LRCH1: variants seen among roughly 807,000 people sequenced by gnomAD.
LRCH1 encodes leucine-rich repeat and calponin homology domain-containing protein 1.
A neutral mutation model predicts 94.9 loss-of-function variants in LRCH1; 23 were observed. The ratio of observed to expected loss-of-function variants is 0.24; its 90% CI spans 0.17 to 0.34. The LOEUF is 0.34. LRCH1 is among the 10% of genes least tolerant of loss of function. The pLI, the probability that LRCH1 is intolerant of heterozygous loss-of-function variation, is 1.00. For synonymous variants in LRCH1, 364 were observed against 354.9 expected, an observed-to-expected ratio of 1.03 and a Z score of -0.29; for missense variants, 790 against 945.9, an observed-to-expected ratio of 0.84 and a Z score of 2.16.
At chr13:46,554,854 G>A (rs1271673944) in intron 1 of LRCH1, among the ~76,000 whole-genome samples, 1 of 152,174 alleles carries the variant, frequency 6.6e-6, no homozygotes, top group East Asian at 1.9e-4. Context: ...GGCTGTCATC[G>A]CCTCATGGCC....
intron 15 of LRCH1, among the ~76,000 whole-genome samples, chr13:46,714,924 T>G (rs1370659953): frequency 6.6e-6 from 1 of 152,188 alleles, no homozygotes; most frequent in Non-Finnish European, 1.5e-5. Context: ...TGAGCAATAT[T>G]GAAAACAGTA....
At chr13:46,634,414 T>C (rs532706497) in intron 1 of LRCH1, among the ~76,000 whole-genome samples, 28 of 152,346 alleles carry the variant, frequency 1.8e-4, no homozygotes, top group African/African-American at 6.7e-4. Flanking sequence ...CCTCTAGAGC[T>C]GGCTCCCTGG....
At chr13:46,650,149 T>C in intron 1 of LRCH1, 52 bp from the exon 2 acceptor site, 1 of 1,293,298 alleles carries the variant, frequency 7.7e-7, no homozygotes, top group Non-Finnish European at 1.1e-6. Context: ...AATAAAAGTG[T>C]ATTGATTTTG....
In LRCH1 at chr13:46,709,652, G is replaced by GA. The variant is rs541922595; in HGVS notation, c.1528-2129dup. 3.5e-4 allele frequency among the ~76,000 whole-genome samples: 51 copies of GA among 146,986 alleles called. No individual in the cohort carries two copies. The South Asian group carries it at 5.0e-3, about 14-fold the overall frequency. ...GTCCCTAGAAGACAGAAAACCTCAA[G>GA]AAAAAAAAAAGATACTTTTATTCTA... On this transcript the variant is annotated intron_variant, in intron 13 of 19. Transcript: ENST00000389797.
intron 1 of LRCH1, among the ~76,000 whole-genome samples, chr13:46,644,014 T>G (rs2051191003): frequency 1.3e-5 from 2 of 152,360 alleles, no homozygotes; most frequent in South Asian, 4.1e-4. Context: ...AAGATTTCAT[T>G]GCTGTATCTT....
At chr13:46,648,441 A>G (rs531395476) in intron 1 of LRCH1, among the ~76,000 whole-genome samples, 186 of 152,298 alleles carry the variant, frequency 1.2e-3, no homozygotes, top group African/African-American at 4.0e-3. Flanking sequence ...AATTCATGCC[A>G]TTGACCTTCC....
At chr13:46,626,406 A>G (rs1472243849) in intron 1 of LRCH1, among the ~76,000 whole-genome samples, 1 of 152,190 alleles carries the variant, frequency 6.6e-6, no homozygotes, top group Non-Finnish European at 1.5e-5. Flanking sequence ...ACATTCCACC[A>G]TTGTGATTTG....
chr13:46,726,964 C>G (rs1872852204), intron 17 of LRCH1, among the ~76,000 whole-genome samples: 1 of 150,926 alleles, frequency 6.6e-6, no homozygotes, highest in Non-Finnish European at 1.5e-5. Context: ...CACTGCAAAT[C>G]CTTCATCATT....
rs143164413 is a variant in LRCH1, at chr13:46,638,923, G to C, written c.308-11278G>C. Among the ~76,000 whole-genome samples the C allele has an allele frequency of 2.0e-3, 300 of 152,200 alleles. 1 individual carries two copies. Among genetic ancestry groups the C allele is most frequent in the African/African-American group, 7.1e-3 (294 of 41,526 alleles). On this transcript the variant is annotated intron_variant, in intron 1 of 19. Transcript: ENST00000389797. Reference sequence around the variant, plus strand: ...CCTTATGTTTTTATTTGTTATTTGTGAAGTATATAATAAAAGAAAATCTAA... The same window carrying C: ...CCTTATGTTTTTATTTGTTATTTGTCAAGTATATAATAAAAGAAAATCTAA...
At chr13:46,655,311 C>T (rs2051356924) in intron 2 of LRCH1, among the ~76,000 whole-genome samples, 1 of 152,226 alleles carries the variant, frequency 6.6e-6, no homozygotes, top group South Asian at 2.1e-4. Context: ...AAAATCCTTA[C>T]TGTGAAGTGC....
intron 16 of LRCH1, among the ~76,000 whole-genome samples, chr13:46,721,977 G>A (rs1872601394): frequency 6.6e-6 from 1 of 152,152 alleles, no homozygotes; most frequent in Non-Finnish European, 1.5e-5. Flanking sequence ...GTAGTTAGGC[G>A]AGCACAGGAC....
At chr13:46,698,628 A>G (rs1313826846) in intron 9 of LRCH1, among the ~76,000 whole-genome samples, 1 of 152,180 alleles carries the variant, frequency 6.6e-6, no homozygotes, top group Non-Finnish European at 1.5e-5. Flanking sequence ...TGCTCTCACA[A>G]ACACTAGGAT....
At chr13:46,648,012 A>G (rs1007554576) in intron 1 of LRCH1, among the ~76,000 whole-genome samples, 1 of 152,062 alleles carries the variant, frequency 6.6e-6, no homozygotes, top group Non-Finnish European at 1.5e-5. Context: ...TTTATTGTAC[A>G]CTTTATTTCT....
intron 6 of LRCH1, 40 bp from the exon 7 acceptor site, chr13:46,689,093 C>G: frequency 1.3e-6 from 2 of 1,482,744 alleles, no homozygotes; most frequent in East Asian, 2.3e-5. Flanking sequence ...TGATTTTAAT[C>G]TTTTTTAAAT....
At chr13:46,661,861 C>T (rs1479364063) in intron 2 of LRCH1, among the ~76,000 whole-genome samples, 1 of 152,078 alleles carries the variant, frequency 6.6e-6, no homozygotes, top group African/African-American at 2.4e-5. Flanking sequence ...ACTGTGCTCA[C>T]CTAAGTCAGT....
chr13:46,699,369 A>G lies in LRCH1; in HGVS notation c.1279A>G (p.Ile427Val). Residue 427 changes from isoleucine to valine, a missense_variant, in exon 10 of 20, where the codon ATA (isoleucine) becomes GTA (valine). By Grantham distance (29) the Ile-to-Val change is conservative. Around this residue, in one of 3 missense-constraint regions of LRCH1, gnomAD observed 460 missense variants for 508.9 expected, o/e 0.90. Coordinates refer to ENST00000389797, the MANE Select transcript of LRCH1 (RefSeq NM_001164211.2). ...AGAAGACTGTGAAGAGCTGTTACGGATAGAAGAGGATGTGCACTGGCAAAC... is the reference window on the plus strand; with the variant it reads ...AGAAGACTGTGAAGAGCTGTTACGGGTAGAAGAGGATGTGCACTGGCAAAC... ...RAEDCEELLR[I>V]EEDVHWQTEG... 1 of 1,614,118 alleles carries G rather than the reference A, an allele frequency of 6.2e-7. No homozygotes were observed. Among genetic ancestry groups the G allele is most frequent in the Non-Finnish European group, 8.5e-7 (1 of 1,179,970 alleles).
chr13:46,641,815 C>G (rs891624422), intron 1 of LRCH1, among the ~76,000 whole-genome samples: 6 of 152,202 alleles, frequency 3.9e-5, no homozygotes, highest in Non-Finnish European at 7.3e-5. Flanking sequence ...ATTCCATTGA[C>G]TGTTTTTCTA....
At chr13:46,681,056 C>T (rs143367269) in intron 3 of LRCH1, among the ~76,000 whole-genome samples, 1 of 152,308 alleles carries the variant, frequency 6.6e-6, no homozygotes, top group African/African-American at 2.4e-5. Flanking sequence ...CTCCATTTCT[C>T]ATGTGTCAAG....
intron 2 of LRCH1, among the ~76,000 whole-genome samples, chr13:46,659,068 T>A (rs1471873863): frequency 5.3e-5 from 8 of 152,238 alleles, no homozygotes; most frequent in Admixed American, 5.2e-4. Flanking sequence ...CAGGCAGAGA[T>A]AACCTGGAAA....
Sources: allele counts gnomAD v4.1 joint callset (sites outside exome capture counted in the v4.1 genomes callset), GRCh38; gene constraint gnomAD v4.1.1; regional missense constraint gnomAD v4.1.1; transcripts MANE v1.5; gene names NCBI Gene and HGNC (gene_info 2026-07-23, HGNC 2026-07-21).